The following ZFYVE27 variants were observed in gnomAD, a reference collection of about 807,000 sequenced individuals.
ZFYVE27 encodes protrudin.
Under a neutral mutation model 52.8 loss-of-function variants are expected in ZFYVE27, and 36 were observed. The observed-to-expected ratio is 0.68, with a 90% CI of 0.52 to 0.90. The LOEUF (loss-of-function observed/expected upper bound fraction) is 0.90, where lower values mean the gene tolerates loss of function less well. Among genes scored for constraint, ZFYVE27 ranks in the 40% least tolerant of loss-of-function variants. ZFYVE27 has a pLI of 0.00. For missense variants in ZFYVE27, 450 were observed against 527.2 expected (o/e 0.85, Z 1.43); for synonymous variants, 223 against 215.6 (o/e 1.03, Z -0.30).
intron 6 of ZFYVE27, chr10:97,749,895 C>T (rs1157655073): frequency 2.4e-6 from 1 of 420,954 alleles, no homozygotes; most frequent in Non-Finnish European, 4.4e-6. Context: ...CCCAAAGCTG[C>T]CACCCATCCC....
At chr10:97,739,466 CATTTT>C (rs771273170) in intron 2 of ZFYVE27, among the ~76,000 whole-genome samples, 3 of 152,092 alleles carry the variant, frequency 2.0e-5, no homozygotes, top group Non-Finnish European at 4.4e-5. Context: ...TCTTTTGACT[CATTTT>C]ATTATGTTAA....
At chr10:97,743,528 A>G (rs1010627705) in intron 3 of ZFYVE27, among the ~76,000 whole-genome samples, 1 of 152,350 alleles carries the variant, frequency 6.6e-6, no homozygotes, top group South Asian at 2.1e-4. Context: ...TCTCAGTATT[A>G]TCGTTGTTTC....
In ZFYVE27 at chr10:97,753,006, G is replaced by A. The variant is rs772461267; in HGVS notation, c.898-32G>A. ...CACGGGTCCTGCAGCCTTGCAAGAG[G>A]TGGGCAGGACTGGAAGGAGCTGTTC... On this transcript the variant is annotated intron_variant, in intron 9 of 12. Coordinates refer to ENST00000684270, the MANE Select transcript of ZFYVE27 (RefSeq NM_001385875.1). The A allele has an allele frequency of 3.7e-6, 6 of 1,612,942 alleles. No individual in the cohort carries two copies. The African/African-American group carries it at 6.7e-5, about 18-fold the overall frequency.
intron 4 of ZFYVE27, among the ~76,000 whole-genome samples, chr10:97,745,902 T>C (rs2045199779): frequency 1.3e-5 from 2 of 152,008 alleles, no homozygotes; most frequent in Non-Finnish European, 2.9e-5. Flanking sequence ...CAAGAAAAGT[T>C]ATAAACAAAC....
At chr10:97,744,694 T>C in intron 3 of ZFYVE27, 35 bp from the exon 4 acceptor site, 3 of 1,611,442 alleles carry the variant, frequency 1.9e-6, no homozygotes, top group Non-Finnish European at 2.5e-6. Context: ...GGTCTTTGCT[T>C]ACCTGTGTTA....
At chr10:97,750,194 C>T (rs139974978) in intron 6 of ZFYVE27, 137 bp from the exon 7 acceptor site, 175 of 1,078,332 alleles carry the variant, frequency 1.6e-4, no homozygotes, top group African/African-American at 2.9e-4. Flanking sequence ...TTAGGTGACT[C>T]GCTCAGAGTT....
chr10:97,744,589 C>A, intron 3 of ZFYVE27, 140 bp from the exon 4 acceptor site: 1 of 937,330 alleles, frequency 1.1e-6, no homozygotes, highest in Non-Finnish European at 1.7e-6. Context: ...AGGGGTGAGA[C>A]ACTGTGTCGT....
chr10:97,757,441 G>A, intron 11 of ZFYVE27, 130 bp downstream of exon 11: 1 of 1,396,660 alleles, frequency 7.2e-7, no homozygotes, highest in Non-Finnish European at 1.0e-6. Flanking sequence ...TTTCTGGAGT[G>A]AGTGTGCCCT....
At chr10:97,742,581 ACT>A (rs1463077208) in intron 2 of ZFYVE27, among the ~76,000 whole-genome samples, 1 of 152,170 alleles carries the variant, frequency 6.6e-6, no homozygotes, top group African/African-American at 2.4e-5. Context: ...TTCAAAATAA[ACT>A]CTCAGATAAA....
chr10:97,738,359 T>G, intron 1 of ZFYVE27, 118 bp from the exon 2 acceptor site: 2 of 1,103,862 alleles, frequency 1.8e-6, no homozygotes, highest in Non-Finnish European at 2.7e-6. Flanking sequence ...ATTTTAGGTC[T>G]GAATAGTTCA....
At chr10:97,751,282 A>C (rs1020293437) in intron 7 of ZFYVE27, 109 bp from the exon 8 acceptor site, 7 of 1,231,222 alleles carry the variant, frequency 5.7e-6, no homozygotes, top group Non-Finnish European at 8.4e-6. Flanking sequence ...CCATTGTGCC[A>C]TTTCGTGGTG....
Position 97,744,758 on chromosome 10 carries a change from A to G in ZFYVE27, c.298A>G (p.Ile100Val), listed in dbSNP as rs765786010. 6.2e-7 allele frequency: 1 copy of G among 1,613,930 alleles called. No individual in the cohort carries two copies. Among genetic ancestry groups the G allele is most frequent in the East Asian group, 2.2e-5 (1 of 44,886 alleles). The stretch of plus-strand genomic sequence containing the variant: ...ATGGTACTCAGTAGGTGCCCTGATG[A>G]TTTCAGTGCCCGCCCTGCTGGGCTA... ...GAWYSVGALM[I>V]SVPALLGYLQ... is the part of the protein sequence containing the mutation. Residue 100 changes from isoleucine (I) to valine (V), a missense_variant, in exon 4 of 13, where the codon ATT (isoleucine) becomes GTT (valine). Transcript: ENST00000684270.
chr10:97,747,441 A>G (rs1229009248), intron 4 of ZFYVE27, among the ~76,000 whole-genome samples: 1 of 152,200 alleles, frequency 6.6e-6, no homozygotes, highest in East Asian at 1.9e-4. Flanking sequence ...TAATCAGTTT[A>G]TTACTATGAT....
intron 7 of ZFYVE27, 60 bp downstream of exon 7, chr10:97,750,530 G>A: frequency 4.4e-6 from 7 of 1,604,702 alleles, no homozygotes; most frequent in Non-Finnish European, 5.9e-6. Context: ...CCTGTTATCA[G>A]CTTGTTTTTG....
rs144748573 is a variant in ZFYVE27 at position 97,749,985 on chromosome 10, G to A, written c.665-346G>A. The A allele has an allele frequency of 2.7e-4, 113 of 416,862 alleles. No individual in the cohort carries two copies. The East Asian group carries it at 5.2e-3, about 19-fold the overall frequency. 25.8% of individuals were successfully genotyped at this position (416,862 alleles called of 1,614,324 possible). ...CCCTCTGTTGTCTGGCTTCTAAAGCGCTGAGGCAGTCTGGAGAGGCACTGA... is the reference window on the plus strand; with the variant it reads ...CCCTCTGTTGTCTGGCTTCTAAAGCACTGAGGCAGTCTGGAGAGGCACTGA... On this transcript the variant is annotated intron_variant, in intron 6 of 12. Coordinates refer to ENST00000684270, the MANE Select transcript of ZFYVE27 (RefSeq NM_001385875.1).
chr10:97,744,895 C>G lies in ZFYVE27; in HGVS notation c.435C>G (p.Ala145=), dbSNP rs532054626. The change falls in exon 4 of 13, where the codon GCC becomes GCG. Residue 145 remains alanine (A), a synonymous_variant. Transcript: ENST00000684270. The stretch of plus-strand genomic sequence containing the variant: ...GAGGTCGCCTGTCTCGTCCCGAGGC[C>G]GTGGCTGAGGTGAAGAGCTTGTGAG... ...LQRGRLSRPE[A]VAEVKSFLIQ... The G allele has an allele frequency of 6.3e-7, 1 of 1,589,956 alleles. No individual in the cohort carries two copies. Among genetic ancestry groups the G allele is most frequent in the Non-Finnish European group, 8.6e-7 (1 of 1,166,886 alleles).
chr10:97,742,974 C>G (rs2135998394), intron 2 of ZFYVE27, 120 bp from the exon 3 acceptor site: 2 of 1,127,104 alleles, frequency 1.8e-6, no homozygotes, highest in East Asian at 4.7e-5. Flanking sequence ...TTCGTTTCTC[C>G]TTGACCTTCT....
intron 2 of ZFYVE27, among the ~76,000 whole-genome samples, chr10:97,740,184 G>A (rs927090064): frequency 1.3e-5 from 2 of 152,194 alleles, no homozygotes; most frequent in African/African-American, 2.4e-5. Context: ...AACCTCTGAG[G>A]ATGCCATTGA....
Position 97,738,497 on chromosome 10 carries a change from A to AG in ZFYVE27, c.24dup (p.Ser9GlufsTer28). 1 of 1,614,170 alleles carries AG rather than the reference A, an allele frequency of 6.2e-7. No homozygotes were observed. Among genetic ancestry groups the AG allele is most frequent in the Non-Finnish European group, 8.5e-7 (1 of 1,180,044 alleles). Reference sequence around the variant, plus strand: ...TACAGGATGCAGACATCAGAACGTGAGGGGAGTGGGCCGGAGCTGAGCCCC... The same window carrying AG: ...TACAGGATGCAGACATCAGAACGTGAGGGGGAGTGGGCCGGAGCTGAGCCCC... On this transcript the variant is annotated frameshift_variant, in exon 2 of 13. Transcript: ENST00000684270. LOFTEE classifies it high-confidence loss of function.
Sources: gnomAD v4.1 joint callset for allele counts (sites outside exome capture counted in the v4.1 genomes callset) on GRCh38, gnomAD v4.1.1 for gene constraint, MANE v1.5 for transcripts, NCBI Gene and HGNC (gene_info 2026-07-23, HGNC 2026-07-21) for gene names.